Variants in RCAN2 observed in about 807,000 individuals in gnomAD.
The protein encoded by RCAN2 is calcipressin-2.
A neutral mutation model predicts 23.6 loss-of-function variants in RCAN2; 9 were observed. That is an observed-to-expected ratio of 0.38 (90% CI 0.23 to 0.67). The LOEUF is 0.67. RCAN2 is among the 30% of genes least tolerant of loss of function. The pLI is 0.51. For synonymous variants in RCAN2, 109 were observed against 115.7 expected (o/e 0.94, Z 0.37); for missense variants, 273 against 302.3 (o/e 0.90, Z 0.72).
At chr6:46,466,086 G>C (rs1216944154) in intron 1 of RCAN2, among the ~76,000 whole-genome samples, 1 of 152,158 alleles carries the variant, frequency 6.6e-6, no homozygotes, top group East Asian at 1.9e-4. Context: ...GCCCCACCTG[G>C]AGACAGAAGA....
At chr6:46,450,633 C>A (rs573510678) in intron 2 of RCAN2, among the ~76,000 whole-genome samples, 1 of 152,032 alleles carries the variant, frequency 6.6e-6, no homozygotes, top group Non-Finnish European at 1.5e-5. Context: ...CCTGTCTTTG[C>A]ACAACATGGA....
chr6:46,407,700 C>T lies in RCAN2; in HGVS notation c.225+49052G>A, dbSNP rs531952930. 3.3e-5 allele frequency among the ~76,000 whole-genome samples: 5 copies of T among 152,234 alleles called. 1 individual carries two copies. In the South Asian group the frequency reaches 6.2e-4, roughly 19 times the overall value. ...ATTTTATTTCATATACATCAATGTC[C>T]TACTTTGCAACAGGGTCAGGAAATA... On this transcript the variant is annotated intron_variant, in intron 2 of 4. Transcript: ENST00000371374.
chr6:46,301,345 G>C (rs1375608055), intron 2 of RCAN2, among the ~76,000 whole-genome samples: 1 of 152,022 alleles, frequency 6.6e-6, no homozygotes, highest in Non-Finnish European at 1.5e-5. Flanking sequence ...AGATACACAG[G>C]TATGGCCCTC....
intron 2 of RCAN2, among the ~76,000 whole-genome samples, chr6:46,347,165 G>A (rs147443170): frequency 1.6e-3 from 245 of 152,252 alleles, no homozygotes; most frequent in African/African-American, 5.4e-3. Flanking sequence ...ATGATCCACC[G>A]CGCCTGGCCA....
intron 2 of RCAN2, among the ~76,000 whole-genome samples, chr6:46,297,877 G>C (rs1762770943): frequency 6.6e-6 from 1 of 152,062 alleles, no homozygotes; most frequent in Non-Finnish European, 1.5e-5. Context: ...ACGTTTTATA[G>C]AGAGAACGAG....
At chr6:46,360,563 G>C (rs1047451519) in intron 2 of RCAN2, among the ~76,000 whole-genome samples, 7 of 140,106 alleles carry the variant, frequency 5.0e-5, no homozygotes, top group African/African-American at 1.5e-4. Context: ...AAAAAAAAGA[G>C]GGCTTGATGT....
intron 2 of RCAN2, among the ~76,000 whole-genome samples, chr6:46,257,216 T>C (rs1766949767): frequency 6.6e-6 from 1 of 152,220 alleles, no homozygotes; most frequent in South Asian, 2.1e-4. Flanking sequence ...TATAAAAAAG[T>C]ATTTTATAAA....
chr6:46,311,213 A>C (rs1411998040), intron 2 of RCAN2, among the ~76,000 whole-genome samples: 1 of 152,154 alleles, frequency 6.6e-6, no homozygotes, highest in Non-Finnish European at 1.5e-5. Context: ...AGTGGTCTGA[A>C]GACTACACCC....
intron 2 of RCAN2, among the ~76,000 whole-genome samples, chr6:46,282,766 G>T (rs1250978567): frequency 6.6e-6 from 1 of 152,184 alleles, no homozygotes; most frequent in African/African-American, 2.4e-5. Context: ...GCAGAGAACT[G>T]CTTTCAGGTC....
intron 4 of RCAN2, among the ~76,000 whole-genome samples, chr6:46,227,740 G>A (rs774987414): frequency 2.8e-4 from 42 of 151,526 alleles, no homozygotes; most frequent in African/African-American, 3.9e-4. Flanking sequence ...ACCAGATCCC[G>A]GATTCATTAA....
intron 2 of RCAN2, among the ~76,000 whole-genome samples, chr6:46,297,884 C>A (rs890545320): frequency 6.6e-6 from 1 of 151,840 alleles, no homozygotes; most frequent in African/African-American, 2.4e-5. Flanking sequence ...ATAGAGAGAA[C>A]GAGAAGGAAA....
chr6:46,330,634 G>A (rs573758666), intron 2 of RCAN2, among the ~76,000 whole-genome samples: 64 of 151,972 alleles, frequency 4.2e-4, no homozygotes, highest in African/African-American at 1.3e-3. Flanking sequence ...CTCCTTGATC[G>A]CATCCTGGTG....
At chr6:46,397,716 C>G (rs1174467560) in intron 2 of RCAN2, among the ~76,000 whole-genome samples, 2 of 152,192 alleles carry the variant, frequency 1.3e-5, no homozygotes, top group African/African-American at 4.8e-5. Flanking sequence ...TTTTATTAGT[C>G]AGCTCTCATC....
chr6:46,242,233 A>T (rs1053135193), intron 4 of RCAN2, among the ~76,000 whole-genome samples: 1 of 152,220 alleles, frequency 6.6e-6, no homozygotes, highest in African/African-American at 2.4e-5. Context: ...AGAAGTTTTC[A>T]GGAATTGGAC....
intron 2 of RCAN2, among the ~76,000 whole-genome samples, chr6:46,381,938 T>C (rs1429324191): frequency 6.6e-6 from 1 of 152,210 alleles, no homozygotes; most frequent in Admixed American, 6.5e-5. Flanking sequence ...TTCCAATATG[T>C]CGATAGATCA....
chr6:46,349,583 A>G (rs1764585702), intron 2 of RCAN2, among the ~76,000 whole-genome samples: 2 of 152,018 alleles, frequency 1.3e-5, no homozygotes, highest in Admixed American at 6.6e-5. Context: ...AAAATTAGAA[A>G]AAAAAAAAAA....
intron 2 of RCAN2, among the ~76,000 whole-genome samples, chr6:46,354,205 C>CTCTG (rs1382265750): frequency 1.3e-4 from 17 of 133,070 alleles, no homozygotes; most frequent in African/African-American, 4.9e-4. Flanking sequence ...TGTTATTTTA[C>CTCTG]TGTGTGTGTG....
intron 2 of RCAN2, among the ~76,000 whole-genome samples, chr6:46,441,149 C>T (rs1403754792): frequency 6.6e-6 from 1 of 152,168 alleles, no homozygotes; most frequent in Non-Finnish European, 1.5e-5. Flanking sequence ...AACATGCTTA[C>T]TAAGAAGGTC....
chr6:46,451,106 T>C, intron 2 of RCAN2, among the ~76,000 whole-genome samples: 1 of 152,120 alleles, frequency 6.6e-6, no homozygotes, highest in Non-Finnish European at 1.5e-5. Context: ...GAGCATCTTA[T>C]GGGCAAAATA....
Sources: gnomAD v4.1 joint callset for allele counts (sites outside exome capture counted in the v4.1 genomes callset) on GRCh38, gnomAD v4.1.1 for gene constraint, MANE v1.5 for transcripts, NCBI Gene and HGNC (gene_info 2026-07-23, HGNC 2026-07-21) for gene names.